Variants in EPG5 observed in about 807,000 individuals in gnomAD.
The protein encoded by EPG5 is ectopic P-granules 5 autophagy tethering factor.
A neutral mutation model predicts 302.7 loss-of-function variants in EPG5; 159 were observed. The ratio of observed to expected loss-of-function variants is 0.53; its 90% CI spans 0.46 to 0.60. The LOEUF (loss-of-function observed/expected upper bound fraction) is 0.60. EPG5 is among the 20% of genes least tolerant of loss of function. The probability of loss-of-function intolerance (pLI) is 0.00; values close to 1 mark genes in which losing one functional copy is unlikely to be tolerated. For synonymous variants in EPG5, 1,158 were observed against 1,136.8 expected, an observed-to-expected ratio of 1.02 and a Z score of -0.37; for missense variants, 2,896 against 3,092.4, an observed-to-expected ratio of 0.94 and a Z score of 1.51.
Position 45,922,669 on chromosome 18 carries a change from T to C in EPG5, c.2839-69A>G, listed in dbSNP as rs563294206. 1.9e-6 allele frequency: 3 copies of C among 1,547,470 alleles called. No individual in the cohort carries two copies. The South Asian group carries it at 3.6e-5, about 19-fold the overall frequency. ...TTAAATCAGTAAGCTCATACACTCATCTCCTTTTGTGACCAACAATGCCCT... is the reference window on the plus strand; with the variant it reads ...TTAAATCAGTAAGCTCATACACTCACCTCCTTTTGTGACCAACAATGCCCT... On this transcript the variant is annotated intron_variant, in intron 15 of 43. Transcript: ENST00000282041.
the EPG5 span, among the ~76,000 whole-genome samples, chr18:45,839,408 T>C: frequency 6.6e-6 from 1 of 152,280 alleles, no homozygotes; most frequent in South Asian, 2.1e-4. Flanking sequence ...AAACGATTCC[T>C]CTGGAGGGGC....
At chr18:45,819,668 G>A in the EPG5 span, among the ~76,000 whole-genome samples, 1 of 152,212 alleles carries the variant, frequency 6.6e-6, no homozygotes, top group Admixed American at 6.5e-5. Flanking sequence ...GAAGATAGGT[G>A]TGTTAATTAG....
intron 14 of EPG5, among the ~76,000 whole-genome samples, chr18:45,925,467 T>C (rs2050247075): frequency 6.6e-6 from 1 of 152,072 alleles, no homozygotes; most frequent in South Asian, 2.1e-4. Flanking sequence ...GGCAAGACTC[T>C]GTCTCAAACA....
intron 21 of EPG5, 45 bp downstream of exon 21, chr18:45,913,661 T>G (rs770919460): frequency 5.4e-5 from 87 of 1,609,208 alleles, no homozygotes; most frequent in Non-Finnish European, 7.2e-5. Context: ...AGCATCAAAG[T>G]GTAAGCCACC....
chr18:45,871,237 G>A (rs1479867257), intron 35 of EPG5, among the ~76,000 whole-genome samples: 3 of 152,186 alleles, frequency 2.0e-5, no homozygotes, highest in African/African-American at 7.2e-5. Context: ...ATGTATCAGT[G>A]CACAGCTGTT....
chr18:45,867,965 C>T, intron 36 of EPG5: 1 of 646,542 alleles, frequency 1.5e-6, no homozygotes, highest in South Asian at 1.5e-5. Context: ...GTTCAGATTT[C>T]AGCATTTATT....
In EPG5 at chr18:45,910,537, G is replaced by A; in HGVS notation, c.4189C>T (p.His1397Tyr). The A allele has an allele frequency of 6.2e-7, 1 of 1,610,150 alleles. No individual in the cohort carries two copies. The highest frequency in any genetic ancestry group is 8.5e-7 in the Non-Finnish European group (1 of 1,178,374). The part of the protein sequence containing the change: ...TPGYLTSPEL[H>Y]KELVRLFNVY... Reference sequence around the variant, plus strand: ...CATACTCACCTCACCAGCTCCTTGTGCAGTTCTGGTGAAGTCAGGTAACCA... The same window carrying A: ...CATACTCACCTCACCAGCTCCTTGTACAGTTCTGGTGAAGTCAGGTAACCA... The change falls in exon 23 of 44, where the codon CAC (histidine) becomes TAC (tyrosine). Residue 1397 changes from histidine (H) to tyrosine (Y), a missense_variant. His to Tyr is a moderately conservative substitution (Grantham distance 83). Coordinates refer to ENST00000282041, the MANE Select transcript of EPG5 (RefSeq NM_020964.3).
chr18:45,815,821 C>T, the EPG5 span, among the ~76,000 whole-genome samples: 7 of 152,084 alleles, frequency 4.6e-5, no homozygotes, highest in Non-Finnish European at 7.4e-5. Context: ...AAAAAGAGCC[C>T]GCATAGCCAA....
chr18:45,814,265 C>T, the EPG5 span, among the ~76,000 whole-genome samples: 4 of 152,224 alleles, frequency 2.6e-5, no homozygotes, highest in South Asian at 2.1e-4. Context: ...TGAGGAAGGA[C>T]GAGACAAACC....
intron 3 of EPG5, among the ~76,000 whole-genome samples, chr18:45,951,841 G>T (rs553568344): frequency 6.6e-6 from 1 of 152,080 alleles, no homozygotes; most frequent in East Asian, 1.9e-4. Flanking sequence ...ATGGGGGAGG[G>T]GGAATTTTAC....
At chr18:45,822,561 A>G in the EPG5 span, among the ~76,000 whole-genome samples, 1 of 152,338 alleles carries the variant, frequency 6.6e-6, no homozygotes, top group South Asian at 2.1e-4. Flanking sequence ...TTTTCCCAAA[A>G]CAAAGAAATT....
chr18:45,863,674 T>C (rs1271849011), intron 39 of EPG5, among the ~76,000 whole-genome samples: 6 of 152,212 alleles, frequency 3.9e-5, no homozygotes, highest in Non-Finnish European at 8.8e-5. Flanking sequence ...TTTACAATTC[T>C]AGGTTATGAG....
At chr18:45,814,670 A>T in the EPG5 span, among the ~76,000 whole-genome samples, 1 of 152,216 alleles carries the variant, frequency 6.6e-6, no homozygotes, top group South Asian at 2.1e-4. Flanking sequence ...GTCCCTAGAG[A>T]GTCAGTAGGC....
chr18:45,831,841 G>A, the EPG5 span, among the ~76,000 whole-genome samples: 41 of 151,924 alleles, frequency 2.7e-4, no homozygotes, highest in South Asian at 4.2e-4. Flanking sequence ...GGGTTCAAGC[G>A]GTTCTCCTGC....
chr18:45,948,788 C>G (rs764320980), intron 5 of EPG5, among the ~76,000 whole-genome samples: 3 of 152,066 alleles, frequency 2.0e-5, no homozygotes, highest in Non-Finnish European at 2.9e-5. Context: ...CAGTTTCCAC[C>G]AATTATCTGT....
chr18:45,936,525 C>T (rs1354280456), intron 10 of EPG5, among the ~76,000 whole-genome samples: 2 of 151,910 alleles, frequency 1.3e-5, no homozygotes, highest in African/African-American at 2.4e-5. Context: ...GTCAGGAGTT[C>T]GAGACCAGCT....
chr18:45,904,771 G>A (rs2049707212), intron 24 of EPG5, among the ~76,000 whole-genome samples: 1 of 152,122 alleles, frequency 6.6e-6, no homozygotes, highest in South Asian at 2.1e-4. Context: ...TATGAGAAAG[G>A]TGGAAACTTG....
chr18:45,867,803 G>A (rs979373550), intron 36 of EPG5, 55 bp from the exon 37 acceptor site: 62 of 1,421,890 alleles, frequency 4.4e-5, no homozygotes, highest in Middle Eastern at 3.6e-4. Context: ...TATGTATCTG[G>A]AAAATGTATG....
chr18:45,965,668 T>C (rs529417286), intron 1 of EPG5, among the ~76,000 whole-genome samples: 1 of 152,344 alleles, frequency 6.6e-6, no homozygotes, highest in South Asian at 2.1e-4. Context: ...ACCATCCTCC[T>C]TATTTCCCAA....
Sources: gnomAD v4.1 joint callset for allele counts (sites outside exome capture counted in the v4.1 genomes callset) on GRCh38, gnomAD v4.1.1 for gene constraint, MANE v1.5 for transcripts, NCBI Gene and HGNC (gene_info 2026-07-23, HGNC 2026-07-21) for gene names.